The following KCNU1 variants were observed in gnomAD, a reference collection of about 807,000 sequenced individuals.
The protein encoded by KCNU1 is potassium channel subfamily U member 1.
KCNU1 carries 93 observed loss-of-function variants against 126.8 expected under a neutral mutation model. The ratio of observed to expected loss-of-function variants is 0.73; its 90% CI spans 0.62 to 0.87. The LOEUF (loss-of-function observed/expected upper bound fraction) is 0.87, where lower values mean the gene tolerates loss of function less well. Among genes scored for constraint, KCNU1 ranks in the 40% least tolerant of loss-of-function variants. The probability of loss-of-function intolerance (pLI) is 0.00; values close to 1 mark genes in which losing one functional copy is unlikely to be tolerated. For synonymous variants in KCNU1, 523 were observed against 494.2 expected, an observed-to-expected ratio of 1.06 and a Z score of -0.77; for missense variants, 1,330 against 1,367.1, an observed-to-expected ratio of 0.97 and a Z score of 0.43.
At chr8:36,797,343 C>G (rs557649436) in intron 2 of KCNU1, among the ~76,000 whole-genome samples, 1 of 151,990 alleles carries the variant, frequency 6.6e-6, no homozygotes, top group African/African-American at 2.4e-5. Flanking sequence ...TTGGCATCCT[C>G]TAATGTGGAT....
At chr8:36,912,214 C>T (rs764168268) in intron 22 of KCNU1, among the ~76,000 whole-genome samples, 1 of 152,132 alleles carries the variant, frequency 6.6e-6, no homozygotes, top group Non-Finnish European at 1.5e-5. Flanking sequence ...TAATGGCTGT[C>T]GATAACAATG....
chr8:36,909,748 C>G (rs527924740), intron 21 of KCNU1, among the ~76,000 whole-genome samples: 1 of 152,138 alleles, frequency 6.6e-6, no homozygotes, highest in Non-Finnish European at 1.5e-5. Context: ...GAGTAAGTAA[C>G]TTGACCAAGA....
At chr8:36,928,364 G>T (rs1385600413) in intron 24 of KCNU1, among the ~76,000 whole-genome samples, 1 of 151,964 alleles carries the variant, frequency 6.6e-6, no homozygotes, top group Non-Finnish European at 1.5e-5. Flanking sequence ...CTACACTATG[G>T]CCACATGTTC....
Position 36,804,011 on chromosome 8 carries a change from T to C in KCNU1, c.316-16T>C. On this transcript the variant is annotated splice_polypyrimidine_tract_variant and intron_variant, in intron 2 of 26. Transcript: ENST00000399881. ...TGAAGTGGATTTAGACATTTGTCCCTGTTTTTCATTTTCAGGTGATCCTTG... is the reference window on the plus strand; with the variant it reads ...TGAAGTGGATTTAGACATTTGTCCCCGTTTTTCATTTTCAGGTGATCCTTG... 6.5e-7 allele frequency: 1 copy of C among 1,527,500 alleles called. No individual in the cohort carries two copies. Among genetic ancestry groups the C allele is most frequent in the Non-Finnish European group, 8.9e-7 (1 of 1,122,564 alleles). 94.6% of individuals were successfully genotyped at this position (1,527,500 alleles called of 1,614,324 possible). A position where few individuals can be genotyped will look rare whatever the true frequency, so the allele number is the denominator to read the frequency against.
At chr8:36,916,712 T>C (rs1413078705) in intron 22 of KCNU1, among the ~76,000 whole-genome samples, 2 of 152,228 alleles carry the variant, frequency 1.3e-5, no homozygotes. Flanking sequence ...CGAATCCAGT[T>C]AGCCCTCTGA....
At chr8:36,803,016 A>AGCC (rs994548082) in intron 2 of KCNU1, among the ~76,000 whole-genome samples, 1 of 152,178 alleles carries the variant, frequency 6.6e-6, no homozygotes, top group African/African-American at 2.4e-5. Context: ...ATGCCCAGAG[A>AGCC]GCCGCAGGGT....
At chr8:36,892,393 G>C (rs962901353) in intron 19 of KCNU1, among the ~76,000 whole-genome samples, 1 of 151,658 alleles carries the variant, frequency 6.6e-6, no homozygotes, top group Non-Finnish European at 1.5e-5. Flanking sequence ...TTTAAAAATG[G>C]TTTCAGTTAG....
intron 18 of KCNU1, among the ~76,000 whole-genome samples, chr8:36,853,078 G>A (rs565701915): frequency 5.3e-5 from 8 of 152,170 alleles, no homozygotes; most frequent in African/African-American, 9.6e-5. Context: ...TGCCAGGTGC[G>A]GTGGCTCACA....
chr8:36,909,111 C>T (rs1807756085), intron 20 of KCNU1, among the ~76,000 whole-genome samples, 200 bp from the exon 21 acceptor site: 1 of 152,054 alleles, frequency 6.6e-6, no homozygotes, highest in South Asian at 2.1e-4. Flanking sequence ...AAAAGAAATT[C>T]CACAAAAAAG....
chr8:36,935,776 TA>T lies in KCNU1; in HGVS notation c.3308del (p.Lys1103SerfsTer3). The stretch of plus-strand genomic sequence containing the variant: ...CGAGAACTAACTCCCTCTCTTTTCC[TA>T]AGCAAATAGCATGGAATCAGAGTAG... Reference protein sequence around the residue: ...QPRTNSLSFPKQIAWNQSRTN... With the variant: ...QPRTNSLSFPXQIAWNQSRTN... On this transcript the variant is annotated frameshift_variant, in exon 27 of 27. Transcript: ENST00000399881. LOFTEE classifies it low-confidence loss of function (END_TRUNC). 6.2e-7 allele frequency: 1 copy of T among 1,613,498 alleles called. No individual in the cohort carries two copies. The highest frequency in any genetic ancestry group is 8.5e-7 in the Non-Finnish European group (1 of 1,179,566).
chr8:36,837,325 T>C (rs192948727), intron 14 of KCNU1, among the ~76,000 whole-genome samples: 1 of 152,164 alleles, frequency 6.6e-6, no homozygotes, highest in South Asian at 2.1e-4. Context: ...TCAATATAAA[T>C]TAAATCCAAA....
At chr8:36,903,486 A>G (rs1454519258) in intron 19 of KCNU1, among the ~76,000 whole-genome samples, 1 of 152,190 alleles carries the variant, frequency 6.6e-6, no homozygotes, top group Non-Finnish European at 1.5e-5. Flanking sequence ...AGTATATTCC[A>G]AAAGGCTGTA....
chr8:36,891,025 C>T (rs1384641746), intron 19 of KCNU1, among the ~76,000 whole-genome samples: 1 of 151,626 alleles, frequency 6.6e-6, no homozygotes, highest in Non-Finnish European at 1.5e-5. Flanking sequence ...TTAGTGTAAT[C>T]TATTTATACC....
At chr8:36,864,324 A>G (rs529144444) in intron 18 of KCNU1, 80 bp from the exon 19 acceptor site, 2 of 880,920 alleles carry the variant, frequency 2.3e-6, no homozygotes, top group African/African-American at 3.3e-5. Context: ...GGGTCTATAA[A>G]TGGCTCAGCC....
In KCNU1 at chr8:36,931,222, G is replaced by A. The variant is rs901406689; in HGVS notation, c.2931+77G>A. On this transcript the variant is annotated intron_variant, in intron 25 of 26. Coordinates refer to ENST00000399881, the MANE Select transcript of KCNU1 (RefSeq NM_001031836.3). ...CTTCTGAAAATGGTCCAGGCTATTT[G>A]GGTTCATAGATGTCCCATAGCACAG... The A allele has an allele frequency of 7.2e-6, 7 of 974,976 alleles. No individual in the cohort carries two copies. The African/African-American group carries it at 1.2e-4, about 16-fold the overall frequency. The allele number at this position is 974,976 out of a possible 1,614,324, so 60.4% of individuals were successfully genotyped here.
chr8:36,849,525 G>A (rs930900050), intron 18 of KCNU1, among the ~76,000 whole-genome samples: 1 of 152,164 alleles, frequency 6.6e-6, no homozygotes, highest in African/African-American at 2.4e-5. Context: ...GGAGGTGCAG[G>A]TTGGCAGTGA....
rs1300359567 is a variant in KCNU1, at chr8:36,935,751, CG to C, written c.3282del (p.Arg1095GlufsTer11). The C allele has an allele frequency of 2.9e-5, 47 of 1,613,242 alleles. No individual in the cohort carries two copies. Among genetic ancestry groups the C allele is most frequent in the Non-Finnish European group, 3.6e-5 (42 of 1,179,496 alleles). ...TLYSPVYSYQ[P>X]RTNSLSFPKQ... is the part of the protein sequence containing the mutation. ...TATTCACCAGTCTATTCTTACCAGC[CG>C]AGAACTAACTCCCTCTCTTTTCCTA... On this transcript the variant is annotated frameshift_variant, in exon 27 of 27. Coordinates refer to ENST00000399881, the MANE Select transcript of KCNU1 (RefSeq NM_001031836.3). LOFTEE classifies it low-confidence loss of function (END_TRUNC).
intron 19 of KCNU1, among the ~76,000 whole-genome samples, chr8:36,902,399 C>G (rs1332883137): frequency 6.6e-6 from 1 of 152,146 alleles, no homozygotes; most frequent in East Asian, 1.9e-4. Context: ...ACCAAAGACT[C>G]TTCATTTATC....
chr8:36,906,867 C>G (rs559925058), intron 20 of KCNU1, among the ~76,000 whole-genome samples: 5 of 152,124 alleles, frequency 3.3e-5, no homozygotes, highest in Non-Finnish European at 5.9e-5. Flanking sequence ...TTATTCTGAA[C>G]TGTACGAAAT....
Sources: allele counts gnomAD v4.1 joint callset (sites outside exome capture counted in the v4.1 genomes callset), GRCh38; gene constraint gnomAD v4.1.1; transcripts MANE v1.5; gene names NCBI Gene and HGNC (gene_info 2026-07-23, HGNC 2026-07-21).